PTPRT: variants seen among roughly 807,000 people sequenced by gnomAD.
The protein encoded by PTPRT is protein tyrosine phosphatase receptor type T.
A neutral mutation model predicts 176.8 loss-of-function variants in PTPRT; 56 were observed. That is an observed-to-expected ratio of 0.32 (90% CI 0.26 to 0.40). The LOEUF (loss-of-function observed/expected upper bound fraction) is 0.40. PTPRT is among the 10% of genes least tolerant of loss of function. The probability of loss-of-function intolerance (pLI) is 1.00; values close to 1 mark genes in which losing one functional copy is unlikely to be tolerated. For missense variants in PTPRT, 1,540 were observed against 1,908.2 expected (o/e 0.81, Z 3.60); for synonymous variants, 783 against 739.0 (o/e 1.06, Z -0.96).
intron 12 of PTPRT, among the ~76,000 whole-genome samples, chr20:42,299,641 CTTTTTTTTTT>C (rs34045854): frequency 1.3e-4 from 11 of 85,986 alleles, no homozygotes; most frequent in African/African-American, 4.9e-4. Context: ...GAACTTTTGC[CTTTTTTTTTT>C]TTTTTTTTTT....
chr20:42,298,161 A>G (rs1235244387), intron 12 of PTPRT, among the ~76,000 whole-genome samples: 1 of 152,234 alleles, frequency 6.6e-6, no homozygotes, highest in African/African-American at 2.4e-5. Context: ...ATTGATAGAA[A>G]AAGTAAAAAA....
chr20:42,917,885 A>G (rs1224803352), intron 1 of PTPRT, among the ~76,000 whole-genome samples: 1 of 152,162 alleles, frequency 6.6e-6, no homozygotes, highest in Non-Finnish European at 1.5e-5. Flanking sequence ...TGGAGAGGGA[A>G]GTGTTAAAAA....
In PTPRT at chr20:42,273,960, C is replaced by G. The variant is rs1241243815; in HGVS notation, c.2176+8529G>C. On this transcript the variant is annotated intron_variant, in intron 13 of 30. Transcript: ENST00000373187. ...AATGCTCAGCTATCTGGGGTAGGAACAGAGGGACAGCTGGATAAATGCAGG... is the reference window on the plus strand; with the variant it reads ...AATGCTCAGCTATCTGGGGTAGGAAGAGAGGGACAGCTGGATAAATGCAGG... 4.6e-5 allele frequency among the ~76,000 whole-genome samples: 7 copies of G among 152,228 alleles called. No homozygotes were observed. The East Asian group carries it at 1.3e-3, about 29-fold the overall frequency.
chr20:42,896,203 CTGAG>C (rs574548674), intron 1 of PTPRT, among the ~76,000 whole-genome samples: 115 of 152,272 alleles, frequency 7.6e-4, no homozygotes, highest in African/African-American at 2.5e-3. Flanking sequence ...AGATCAGGGA[CTGAG>C]CCAAGACTCC....
At chr20:42,479,357 T>G (rs1243528152) in intron 7 of PTPRT, among the ~76,000 whole-genome samples, 1 of 152,198 alleles carries the variant, frequency 6.6e-6, no homozygotes, top group Admixed American at 6.5e-5. Flanking sequence ...GAGATGCAAT[T>G]TGAGTTCTTT....
At position 42,885,952 on chromosome 20, in the gene PTPRT, G is replaced by A; in HGVS notation, c.89-20C>T. Reference sequence around the variant, plus strand: ...AGCCACCTGTAGACAAAAGAGATATGGGTAAATACATTCCCGTGTCTGAGG... The same window carrying A: ...AGCCACCTGTAGACAAAAGAGATATAGGTAAATACATTCCCGTGTCTGAGG... On this transcript the variant is annotated intron_variant, in intron 1 of 30. Transcript: ENST00000373187. The A allele has an allele frequency of 6.3e-7, 1 of 1,583,802 alleles. No individual in the cohort carries two copies. The highest frequency in any genetic ancestry group is 2.3e-5 in the East Asian group (1 of 43,644).
chr20:42,245,415 C>T (rs972739109), intron 14 of PTPRT, among the ~76,000 whole-genome samples: 2 of 152,284 alleles, frequency 1.3e-5, no homozygotes, highest in Admixed American at 6.5e-5. Flanking sequence ...ATAAGAGAAT[C>T]CCATTTAAAT....
intron 1 of PTPRT, among the ~76,000 whole-genome samples, chr20:43,050,790 T>A (rs544463351): frequency 1.9e-4 from 29 of 152,262 alleles, no homozygotes; most frequent in African/African-American, 7.0e-4. Flanking sequence ...GGGAAACTCA[T>A]CCCATGGGAT....
At chr20:42,217,376 TACACACAC>T (rs71335847) in intron 15 of PTPRT, among the ~76,000 whole-genome samples, 1,888 of 104,350 alleles carry the variant, frequency 0.018, 22 homozygotes, top group Admixed American at 0.024. Flanking sequence ...CTCTCAAACA[TACACACAC>T]ACACACACAC....
rs912895188 is a variant in PTPRT at position 42,117,850 on chromosome 20, G to A, written c.2982+553C>T. On this transcript the variant is annotated intron_variant, in intron 21 of 30. Coordinates refer to ENST00000373187, the MANE Select transcript of PTPRT (RefSeq NM_007050.6). Reference sequence around the variant, plus strand: ...AAGATGGAAGGTACTGGGCATGTTTGTATGCTAAGGGGAACAATTTGGCAA... The same window carrying A: ...AAGATGGAAGGTACTGGGCATGTTTATATGCTAAGGGGAACAATTTGGCAA... Among the ~76,000 whole-genome samples, 12 of 152,144 alleles carry A rather than the reference G, an allele frequency of 7.9e-5. No homozygotes were observed. In the South Asian group the frequency reaches 2.5e-3, roughly 32 times the overall value.
chr20:42,778,265 G>A (rs1401802109), intron 4 of PTPRT, among the ~76,000 whole-genome samples: 2 of 152,210 alleles, frequency 1.3e-5, no homozygotes, highest in Non-Finnish European at 2.9e-5. Context: ...GCAAACCATG[G>A]TCAGTGCTTG....
At chr20:42,556,338 G>A (rs1446852260) in intron 7 of PTPRT, among the ~76,000 whole-genome samples, 1 of 152,084 alleles carries the variant, frequency 6.6e-6, no homozygotes, top group African/African-American at 2.4e-5. Context: ...CTAGAACCCT[G>A]CAATTAGCTT....
At chr20:42,624,409 T>C (rs2074255672) in intron 7 of PTPRT, among the ~76,000 whole-genome samples, 1 of 152,224 alleles carries the variant, frequency 6.6e-6, no homozygotes, top group African/African-American at 2.4e-5. Flanking sequence ...ATCAGGAACA[T>C]AAGGTTAGAA....
chr20:43,160,038 A>T (rs6124533), intron 1 of PTPRT, among the ~76,000 whole-genome samples: 148,769 of 151,326 alleles, frequency 0.98, 73,179 homozygotes, highest in Middle Eastern at 1. Context: ...AAAAAGACCA[A>T]CTCAAAAGGC....
At chr20:42,647,757 A>G (rs2074939224) in intron 7 of PTPRT, among the ~76,000 whole-genome samples, 1 of 152,194 alleles carries the variant, frequency 6.6e-6, no homozygotes, top group East Asian at 1.9e-4. Context: ...AGCGTCTGTG[A>G]TACCGGCTGA....
chr20:42,826,485 T>C (rs568982530), intron 2 of PTPRT, among the ~76,000 whole-genome samples: 1 of 152,170 alleles, frequency 6.6e-6, no homozygotes, highest in Non-Finnish European at 1.5e-5. Context: ...TTGAGTTAAA[T>C]CTCTAACATG....
chr20:42,069,736 T>C (rs544481441), downstream of PTPRT, among the ~76,000 whole-genome samples: 76 of 152,352 alleles, frequency 5.0e-4, no homozygotes, highest in Non-Finnish European at 9.6e-4. Context: ...TGTAATTCTC[T>C]GTATATGTCT....
At chr20:42,987,294 A>G (rs991404252) in intron 1 of PTPRT, among the ~76,000 whole-genome samples, 3 of 152,168 alleles carry the variant, frequency 2.0e-5, no homozygotes, top group African/African-American at 7.2e-5. Context: ...CTTGAATTTA[A>G]ATTGACTGAC....
intron 15 of PTPRT, among the ~76,000 whole-genome samples, chr20:42,202,006 G>A (rs910658546): frequency 7.4e-6 from 1 of 135,864 alleles, no homozygotes; most frequent in South Asian, 2.2e-4. Flanking sequence ...GTCTTATTCT[G>A]TTGCCTACAC....
Sources: allele counts gnomAD v4.1 joint callset (sites outside exome capture counted in the v4.1 genomes callset), GRCh38; gene constraint gnomAD v4.1.1; transcripts MANE v1.5; gene names NCBI Gene and HGNC (gene_info 2026-07-23, HGNC 2026-07-21).